The following RGS2 variants were observed in gnomAD, a reference collection of about 807,000 sequenced individuals.
The protein encoded by RGS2 is regulator of G protein signaling 2, also known as G0 to G1 switch regulatory 8, 24kD.
Under a neutral mutation model 26.6 loss-of-function variants are expected in RGS2, and 20 were observed. The ratio of observed to expected loss-of-function variants is 0.75; its 90% CI spans 0.53 to 1.09. The LOEUF (loss-of-function observed/expected upper bound fraction) is 1.09. RGS2 is among the 50% of genes least tolerant of loss of function. The pLI is 0.00. For missense variants in RGS2, 246 were observed against 245.5 expected, an observed-to-expected ratio of 1.00 and a Z score of -0.01; for synonymous variants, 97 against 79.9, an observed-to-expected ratio of 1.21 and a Z score of -1.14.
Position 192,811,874 on chromosome 1 carries a change from T to G in RGS2, c.*278T>G, listed in dbSNP as rs903261095. ...TCTGAAAAGCAGGAATGTAAGATGA[T>G]GAAAGAGACAATGTAATACTGTTGG... On this transcript the variant is annotated 3_prime_UTR_variant, in exon 5 of 5. Transcript: ENST00000235382. 1.2e-5 allele frequency: 6 copies of G among 485,380 alleles called. No homozygotes were observed. The South Asian group carries it at 1.3e-4, about 10-fold the overall frequency. 30.1% of individuals were successfully genotyped at this position (485,380 alleles called of 1,614,324 possible).
Position 192,811,593 on chromosome 1 carries a change from A to T in RGS2, c.633A>T (p.Thr211=), listed in dbSNP as rs372814636. 6.2e-7 allele frequency: 1 copy of T among 1,613,862 alleles called. No homozygotes were observed. Among genetic ancestry groups the T allele is most frequent in the Admixed American group, 1.7e-5 (1 of 60,008 alleles). ...KPQITTEPHA[T] The stretch of plus-strand genomic sequence containing the variant: ...AAATCACCACAGAGCCTCATGCTAC[A>T]TGAAATGTAAAAGGGAGCCCAGAAA... Residue 211 remains threonine (T), a synonymous_variant, in exon 5 of 5, where the codon ACA becomes ACT. Coordinates refer to ENST00000235382, the MANE Select transcript of RGS2 (RefSeq NM_002923.4).
chr1:192,810,448 G>A lies in RGS2; in HGVS notation c.274+17G>A, dbSNP rs1415791280. The A allele has an allele frequency of 6.2e-7, 1 of 1,612,536 alleles. No homozygotes were observed. The highest frequency in any genetic ancestry group is 2.2e-5 in the East Asian group (1 of 44,888). On this transcript the variant is annotated intron_variant, in intron 3 of 4. Transcript: ENST00000235382. ...CCAGCAAATGTAAGTTAACTCTTGA[G>A]CTTGAGCCATTGCTAACATCGCAAA...
chr1:192,810,064 C>T (rs775326486), intron 1 of RGS2, 102 bp from the exon 2 acceptor site: 2 of 757,046 alleles, frequency 2.6e-6, no homozygotes, highest in Non-Finnish European at 4.6e-6. Context: ...TGCGGTTTGT[C>T]TCTAGTTACT....
At position 192,810,284 on chromosome 1, in the gene RGS2, G is replaced by T; in HGVS notation, c.212+17G>T. The T allele has an allele frequency of 1.9e-6, 3 of 1,610,000 alleles. No homozygotes were observed. Among genetic ancestry groups the T allele is most frequent in the Non-Finnish European group, 1.7e-6 (2 of 1,176,176 alleles). ...TTTCATCAAGTAAGTTGAGAATCCTGTGCTTGCAAATATCAATAGTTAGCT... is the reference window on the plus strand; with the variant it reads ...TTTCATCAAGTAAGTTGAGAATCCTTTGCTTGCAAATATCAATAGTTAGCT... On this transcript the variant is annotated intron_variant, in intron 2 of 4. Coordinates refer to ENST00000235382, the MANE Select transcript of RGS2 (RefSeq NM_002923.4).
Position 192,811,899 on chromosome 1 carries a change from G to C in RGS2, c.*303G>C. 4.9e-6 allele frequency: 2 copies of C among 409,222 alleles called. No individual in the cohort carries two copies. Among genetic ancestry groups the C allele is most frequent in the South Asian group, 4.8e-5 (2 of 41,570 alleles). 25.3% of individuals were successfully genotyped at this position (409,222 alleles called of 1,614,324 possible). On this transcript the variant is annotated 3_prime_UTR_variant, in exon 5 of 5. Coordinates refer to ENST00000235382, the MANE Select transcript of RGS2 (RefSeq NM_002923.4). ...TGAAAGAGACAATGTAATACTGTTG[G>C]TCCAAAAGCATTTAAAATCAATAGA...
intron 1 of RGS2, 118 bp from the exon 2 acceptor site, chr1:192,810,048 G>C: frequency 1.4e-6 from 1 of 713,608 alleles, no homozygotes; most frequent in Non-Finnish European, 2.5e-6. Context: ...TTCTTGCTTT[G>C]CCTTATGCGG....
At position 192,810,364 on chromosome 1, in the gene RGS2, T is replaced by C. The variant is rs1323337416; in HGVS notation, c.213-6T>C. ...CGTAAGCTAACATACAGAACCTCTC[T>C]TGCAGGCCTTCTCCTGAGGAAGCAC... On this transcript the variant is annotated splice_polypyrimidine_tract_variant and splice_region_variant and intron_variant, in intron 2 of 4. Coordinates refer to ENST00000235382, the MANE Select transcript of RGS2 (RefSeq NM_002923.4). The C allele has an allele frequency of 5.6e-6, 9 of 1,614,040 alleles. No homozygotes were observed. Among genetic ancestry groups the C allele is most frequent in the Middle Eastern group, 1.6e-4 (1 of 6,084 alleles).
At chr1:192,810,590 A>G in intron 3 of RGS2, 159 bp downstream of exon 3, 1 of 717,726 alleles carries the variant, frequency 1.4e-6, no homozygotes. Context: ...GGTTTAACAA[A>G]TAAATGCATA....
In RGS2 at chr1:192,811,284, C is replaced by G. The variant is rs1665588318; in HGVS notation, c.442-118C>G. 12 of 1,293,308 alleles carry G rather than the reference C, an allele frequency of 9.3e-6. No homozygotes were observed. The South Asian group carries it at 1.4e-4, about 15-fold the overall frequency. The allele number at this position is 1,293,308 out of a possible 1,614,324, so 80.1% of individuals were successfully genotyped here. A position where few individuals can be genotyped will look rare whatever the true frequency, so the allele number is the denominator to read the frequency against. ...TGTAGCTTTCAGTTATGTTAAAGTT[C>G]TCCTGTGACTTAGCTAGTAAAGCTA... is the stretch of plus-strand genomic sequence containing the variant. On this transcript the variant is annotated intron_variant, in intron 4 of 4. Coordinates refer to ENST00000235382, the MANE Select transcript of RGS2 (RefSeq NM_002923.4).
rs766529182 is a variant in RGS2, at chr1:192,809,199, C to G, written c.110+18C>G. On this transcript the variant is annotated intron_variant, in intron 1 of 4. Coordinates refer to ENST00000235382, the MANE Select transcript of RGS2 (RefSeq NM_002923.4). ...CGGACCCTGTGAGTATGGCTTTCTT[C>G]CCTCTCCCGCCACCCCCTGCCCCAC... The G allele has an allele frequency of 6.5e-7, 1 of 1,528,934 alleles. No homozygotes were observed. The allele number at this position is 1,528,934 out of a possible 1,614,324, so 94.7% of individuals were successfully genotyped here.
chr1:192,809,063 A>C lies in RGS2; in HGVS notation c.-9A>C, dbSNP rs1051777810. 4 of 1,603,498 alleles carry C rather than the reference A, an allele frequency of 2.5e-6. No individual in the cohort carries two copies. Among genetic ancestry groups the C allele is most frequent in the Non-Finnish European group, 3.4e-6 (4 of 1,170,730 alleles). On this transcript the variant is annotated 5_prime_UTR_variant, in exon 1 of 5. Coordinates refer to ENST00000235382, the MANE Select transcript of RGS2 (RefSeq NM_002923.4). ...CGCAAACAGCCGGGGCTCCAGCGGG[A>C]GAACGATAATGCAAAGTGCTATGTT...
intron 3 of RGS2, 52 bp downstream of exon 3, chr1:192,810,483 A>G (rs775228976): frequency 1.3e-6 from 2 of 1,549,156 alleles, no homozygotes; most frequent in South Asian, 1.1e-5. Flanking sequence ...AAGCCTGGAA[A>G]GGCTGCGTCC....
rs1347585985 is a variant in RGS2, at chr1:192,811,216, C to A, written c.441+69C>A. 4 of 1,577,552 alleles carry A rather than the reference C, an allele frequency of 2.5e-6. No individual in the cohort carries two copies. The East Asian group carries it at 9.0e-5, about 35-fold the overall frequency. On this transcript the variant is annotated intron_variant, in intron 4 of 4. Transcript: ENST00000235382. The stretch of plus-strand genomic sequence containing the variant: ...TAGCACAAAAGTGAAACAAAGTAAT[C>A]AAGGACAAAGCGGGCTAGGAGGGGT...
chr1:192,811,366 G>T, intron 4 of RGS2, 36 bp from the exon 5 acceptor site: 1 of 1,535,532 alleles, frequency 6.5e-7, no homozygotes, highest in Non-Finnish European at 9.0e-7. Flanking sequence ...CTTTAACTCT[G>T]AATACCAAAT....
rs541337584 is a variant in RGS2, at chr1:192,809,048, C to T, written c.-24C>T. The T allele has an allele frequency of 1.3e-4, 203 of 1,561,898 alleles. 1 individual carries two copies. Among genetic ancestry groups the T allele is most frequent in the South Asian group, 3.7e-4 (33 of 90,006 alleles). On this transcript the variant is annotated 5_prime_UTR_variant, in exon 1 of 5. Transcript: ENST00000235382. ...CGACGCACGCCCAGCCGCAAACAGC[C>T]GGGGCTCCAGCGGGAGAACGATAAT...
rs755573370 is a variant in RGS2 at position 192,811,978 on chromosome 1, C to G, written c.*382C>G. ...GTTGTACATCTTTCCCTAAATCGAT[C>G]CATGTTACCACATAGTAGTTTTAGT... is the stretch of plus-strand genomic sequence containing the variant. On this transcript the variant is annotated 3_prime_UTR_variant, in exon 5 of 5. Coordinates refer to ENST00000235382, the MANE Select transcript of RGS2 (RefSeq NM_002923.4). 6.5e-6 allele frequency: 2 copies of G among 305,760 alleles called. No homozygotes were observed. Among genetic ancestry groups the G allele is most frequent in the African/African-American group, 2.2e-5 (1 of 46,180 alleles). 18.9% of individuals were successfully genotyped at this position (305,760 alleles called of 1,614,324 possible).
intron 1 of RGS2, chr1:192,809,421 T>A: frequency 1.9e-6 from 1 of 527,628 alleles, no homozygotes; most frequent in Non-Finnish European, 3.5e-6. Context: ...AAATTGCGGG[T>A]TGGCTTTTTG....
Position 192,811,648 on chromosome 1 carries a change from G to A in RGS2, c.*52G>A. The A allele has an allele frequency of 6.5e-7, 1 of 1,543,866 alleles. No homozygotes were observed. Among genetic ancestry groups the A allele is most frequent in the Non-Finnish European group, 9.0e-7 (1 of 1,116,274 alleles). The stretch of plus-strand genomic sequence containing the variant: ...GGACATTTCATTCTTTTTCCTGAGG[G>A]GAAGGACTGTGACCTGCCATAAAGA... On this transcript the variant is annotated 3_prime_UTR_variant, in exon 5 of 5. Transcript: ENST00000235382.
Position 192,811,486 on chromosome 1 carries a change from A to G in RGS2, c.526A>G (p.Arg176Gly). The change falls in exon 5 of 5, where the codon AGG becomes GGG. Residue 176 changes from arginine to glycine, a missense_variant. Coordinates refer to ENST00000235382, the MANE Select transcript of RGS2 (RefSeq NM_002923.4). ...TGGCTGCTTTACAACTGCCCAGAAAAGGGTATACAGCTTGATGGAGAACAA... is the reference window on the plus strand; with the variant it reads ...TGGCTGCTTTACAACTGCCCAGAAAGGGGTATACAGCTTGATGGAGAACAA... ...TSGCFTTAQK[R>G]VYSLMENNSY... 1 of 1,614,046 alleles carries G rather than the reference A, an allele frequency of 6.2e-7. No homozygotes were observed. Among genetic ancestry groups the G allele is most frequent in the Non-Finnish European group, 8.5e-7 (1 of 1,179,890 alleles).
Sources: gnomAD v4.1 joint callset for allele counts on GRCh38, gnomAD v4.1.1 for gene constraint, MANE v1.5 for transcripts, NCBI Gene and HGNC (gene_info 2026-07-23, HGNC 2026-07-21) for gene names.